The following MAPRE2 variants were observed in gnomAD, a reference collection of about 807,000 sequenced individuals.
MAPRE2 encodes the protein microtubule associated protein RP/EB family member 2.
Under a neutral mutation model 43.2 loss-of-function variants are expected in MAPRE2, and 13 were observed. The observed-to-expected ratio is 0.30, with a 90% CI of 0.20 to 0.48. The LOEUF is 0.48. Among genes scored for constraint, MAPRE2 ranks in the 20% least tolerant of loss-of-function variants. The pLI is 0.99. For synonymous variants in MAPRE2, 135 were observed against 148.8 expected (o/e 0.91, Z 0.68); for missense variants, 161 against 400.2 (o/e 0.40, Z 5.10).
At chr18:35,107,532 G>A (rs990717524) in intron 4 of MAPRE2, among the ~76,000 whole-genome samples, 7 of 152,046 alleles carry the variant, frequency 4.6e-5, no homozygotes, top group African/African-American at 1.7e-4. Flanking sequence ...TGGGTTTTTT[G>A]TTTGTTTGCT....
chr18:35,041,482 G>T lies in MAPRE2; in HGVS notation c.-58G>T. The T allele has an allele frequency of 6.2e-7, 1 of 1,612,924 alleles. No homozygotes were observed. ...GCAGGCGAGCGAGCGGGAAGACGCAGCCACCTTCCTCACCAGCCAGCCCAC... is the reference window on the plus strand; with the variant it reads ...GCAGGCGAGCGAGCGGGAAGACGCATCCACCTTCCTCACCAGCCAGCCCAC... On this transcript the variant is annotated 5_prime_UTR_variant, in exon 1 of 7. Coordinates refer to ENST00000300249, the MANE Select transcript of MAPRE2 (RefSeq NM_014268.4).
intron 1 of MAPRE2, chr18:34,988,505 C>T (rs2150573536): frequency 6.6e-6 from 1 of 152,288 alleles, no homozygotes; most frequent in South Asian, 2.1e-4. Context: ...ACAAGAGTTA[C>T]AAGATCAGAT....
chr18:35,067,123 G>A (rs901810514), intron 1 of MAPRE2, among the ~76,000 whole-genome samples: 1 of 152,178 alleles, frequency 6.6e-6, no homozygotes, highest in Non-Finnish European at 1.5e-5. Context: ...CAGGGCTTGT[G>A]AGGACTACAG....
chr18:35,135,646 C>G (rs1910354412), intron 6 of MAPRE2, among the ~76,000 whole-genome samples: 1 of 152,270 alleles, frequency 6.6e-6, no homozygotes, highest in African/African-American at 2.4e-5. Flanking sequence ...TCATACACCA[C>G]TGCCCCCATC....
At chr18:35,031,711 C>G (rs1391078561) in intron 2 of MAPRE2, among the ~76,000 whole-genome samples, 1 of 152,198 alleles carries the variant, frequency 6.6e-6, no homozygotes, top group African/African-American at 2.4e-5. Context: ...ATCATGGACA[C>G]CTTGCTATTT....
At chr18:35,030,752 G>A (rs1242705659) in intron 2 of MAPRE2, among the ~76,000 whole-genome samples, 3 of 151,740 alleles carry the variant, frequency 2.0e-5, no homozygotes, top group African/African-American at 7.3e-5. Flanking sequence ...GACTTTAAAA[G>A]CCCTGCACAT....
chr18:35,070,192 T>C lies in MAPRE2; in HGVS notation c.123-3T>C, dbSNP rs1907038639. On this transcript the variant is annotated splice_polypyrimidine_tract_variant and splice_region_variant and intron_variant, in intron 1 of 6. Coordinates refer to ENST00000300249, the MANE Select transcript of MAPRE2 (RefSeq NM_014268.4). The stretch of plus-strand genomic sequence containing the variant: ...TGTTAAATAAACTTTGTTTTTTTTC[T>C]AGTTGGGGAATGGCGGTCAATGTGT... The C allele has an allele frequency of 3.2e-6, 5 of 1,577,720 alleles. No individual in the cohort carries two copies. Among genetic ancestry groups the C allele is most frequent in the Non-Finnish European group, 4.3e-6 (5 of 1,167,698 alleles).
At position 35,142,094 on chromosome 18, in the gene MAPRE2, T is replaced by G. The variant is rs1910679620; in HGVS notation, c.*1725T>G. 1 of 152,316 alleles carries G rather than the reference T, an allele frequency of 6.6e-6. No individual in the cohort carries two copies. The highest frequency in any genetic ancestry group is 2.1e-4 in the South Asian group (1 of 4,830). 9.4% of individuals were successfully genotyped at this position (152,316 alleles called of 1,614,324 possible). On this transcript the variant is annotated 3_prime_UTR_variant, in exon 7 of 7. Transcript: ENST00000300249. Reference sequence around the variant, plus strand: ...CTTCTCTCTCCTGCTCACTCTGCATTATAGCAGCAGCTTATTTCTCTAAGG... The same window carrying G: ...CTTCTCTCTCCTGCTCACTCTGCATGATAGCAGCAGCTTATTTCTCTAAGG...
At chr18:35,010,155 C>T (rs755347548) in intron 2 of MAPRE2, among the ~76,000 whole-genome samples, 24 of 152,000 alleles carry the variant, frequency 1.6e-4, no homozygotes, top group Non-Finnish European at 2.6e-4. Flanking sequence ...TGGAGGCTGA[C>T]ACTGGAGGAT....
At chr18:35,027,536 C>T (rs899969244) in intron 2 of MAPRE2, among the ~76,000 whole-genome samples, 1 of 152,148 alleles carries the variant, frequency 6.6e-6, no homozygotes, top group African/African-American at 2.4e-5. Flanking sequence ...CAGTCAGTCA[C>T]CTTCCAACCA....
intron 2 of MAPRE2, among the ~76,000 whole-genome samples, chr18:35,020,296 C>G (rs893314768): frequency 2.0e-5 from 3 of 152,088 alleles, no homozygotes; most frequent in Non-Finnish European, 4.4e-5. Flanking sequence ...TCCAGCTGGA[C>G]TCTAAATCCT....
chr18:35,107,365 A>G (rs1422685110), intron 4 of MAPRE2, among the ~76,000 whole-genome samples: 1 of 152,192 alleles, frequency 6.6e-6, no homozygotes, highest in East Asian at 1.9e-4. Flanking sequence ...ATTACCCTTA[A>G]TGTTGGGTTT....
chr18:35,080,218 T>G (rs929046439), intron 2 of MAPRE2, among the ~76,000 whole-genome samples: 1 of 152,224 alleles, frequency 6.6e-6, no homozygotes, highest in Non-Finnish European at 1.5e-5. Flanking sequence ...AGATATCATT[T>G]TGATATTCTA....
At chr18:35,008,951 T>G (rs978151616) in intron 2 of MAPRE2, among the ~76,000 whole-genome samples, 27 of 145,586 alleles carry the variant, frequency 1.9e-4, no homozygotes, top group African/African-American at 3.9e-4. Context: ...TGTTTTGGGG[T>G]GTGTGTGTGT....
At chr18:35,117,130 T>C (rs949515143) in intron 4 of MAPRE2, among the ~76,000 whole-genome samples, 7 of 152,100 alleles carry the variant, frequency 4.6e-5, no homozygotes, top group African/African-American at 1.7e-4. Flanking sequence ...ATTGGATGAT[T>C]AATGGGTTAT....
At chr18:35,127,222 A>G in intron 5 of MAPRE2, 135 bp downstream of exon 5, 1 of 870,970 alleles carries the variant, frequency 1.1e-6, no homozygotes, top group South Asian at 1.8e-5. Context: ...GTGAGAATAA[A>G]AAGAATTGTT....
chr18:35,068,381 G>T (rs1906939024), intron 1 of MAPRE2, among the ~76,000 whole-genome samples: 3 of 152,086 alleles, frequency 2.0e-5, no homozygotes, highest in Admixed American at 2.0e-4. Flanking sequence ...AAAGAAGAAG[G>T]TTATCAAAGA....
At chr18:35,089,011 A>G (rs1304343436) in intron 2 of MAPRE2, among the ~76,000 whole-genome samples, 1 of 152,230 alleles carries the variant, frequency 6.6e-6, no homozygotes, top group African/African-American at 2.4e-5. Flanking sequence ...TGTGGGATCA[A>G]GAAACTTTGG....
At chr18:35,097,335 G>T in intron 2 of MAPRE2, 111 bp from the exon 3 acceptor site, 1 of 936,802 alleles carries the variant, frequency 1.1e-6, no homozygotes, top group South Asian at 1.6e-5. Context: ...GACACACTCT[G>T]CTCTGAGTGA....
Sources: gnomAD v4.1 joint callset for allele counts (sites outside exome capture counted in the v4.1 genomes callset) on GRCh38, gnomAD v4.1.1 for gene constraint, MANE v1.5 for transcripts, NCBI Gene and HGNC (gene_info 2026-07-23, HGNC 2026-07-21) for gene names.